Variants in ARFGAP1 observed in about 807,000 individuals in gnomAD.
ARFGAP1 encodes ARF GTPase activating protein 1.
In ARFGAP1, 26 loss-of-function variants were observed where a neutral mutation model predicts 54.0. The ratio of observed to expected loss-of-function variants is 0.48; its 90% CI spans 0.35 to 0.67. ARFGAP1 has a LOEUF of 0.67. Among genes scored for constraint, ARFGAP1 ranks in the 30% least tolerant of loss-of-function variants. The pLI, the probability that ARFGAP1 is intolerant of heterozygous loss-of-function variation, is 0.00. For synonymous variants in ARFGAP1, 248 were observed against 211.9 expected, an observed-to-expected ratio of 1.17 and a Z score of -1.48; for missense variants, 525 against 535.8, an observed-to-expected ratio of 0.98 and a Z score of 0.20.
chr20:63,274,312 C>G (rs1455739462), intron 1 of ARFGAP1: 2 of 26,654 alleles, frequency 7.5e-5, no homozygotes, highest in African/African-American at 2.5e-4. Context: ...GGAGTTGGGA[C>G]CCCCCCCCCC....
Position 63,276,823 on chromosome 20 carries a change from G to A in ARFGAP1, c.342+172G>A. 1.4e-6 allele frequency: 1 copy of A among 713,184 alleles called. No homozygotes were observed. The highest frequency in any genetic ancestry group is 2.2e-6 in the Non-Finnish European group (1 of 452,866). 44.2% of individuals were successfully genotyped at this position (713,184 alleles called of 1,614,324 possible). On this transcript the variant is annotated intron_variant, in intron 4 of 12. Coordinates refer to ENST00000370283, the MANE Select transcript of ARFGAP1 (RefSeq NM_018209.4). This position sits in a 1 kb window ranked among gnomAD's most constrained non-coding sequence, Gnocchi z 5.2. The stretch of plus-strand genomic sequence containing the variant: ...GGAGCAGAGGCTTCCTGCCCAGAGG[G>A]GAGGCAAATGGCTTGCGGGGGGAGA...
At position 63,276,178 on chromosome 20, in the gene ARFGAP1, C is replaced by T. The variant is rs1356351041; in HGVS notation, c.148C>T (p.Arg50Cys). 5 of 1,613,838 alleles carry T rather than the reference C, an allele frequency of 3.1e-6. No homozygotes were observed. The highest frequency in any genetic ancestry group is 1.1e-5 in the South Asian group (1 of 91,086). The change falls in exon 3 of 13, where the codon CGC becomes TGC. Residue 50 changes from arginine to cysteine, a missense_variant. By Grantham distance (180) the Arg-to-Cys change is radical. Around this residue, in one of 3 missense-constraint regions of ARFGAP1, gnomAD observed 20 missense variants for 41.8 expected, o/e 0.48. Coordinates refer to ENST00000370283, the MANE Select transcript of ARFGAP1 (RefSeq NM_018209.4). The surrounding 1 kb of genome is among the most constrained non-coding windows in gnomAD (Gnocchi z 5.2). ...WICLECSGRH[R>C]GLGVHLSFVR... ...CTGCCTGGAGTGCTCGGGGAGACAC[C>T]GCGGGCTTGGGGTTCACCTCAGGTC...
chr20:63,285,737 G>T, intron 11 of ARFGAP1, 24 bp downstream of exon 11: 1 of 1,610,672 alleles, frequency 6.2e-7, no homozygotes, highest in Non-Finnish European at 8.5e-7. Context: ...CAGATACGCG[G>T]GCACAGTCGA....
rs578023255 is a variant in ARFGAP1, at chr20:63,286,406, C to T, written c.875C>T (p.Thr292Ile). 20 of 1,613,534 alleles carry T rather than the reference C, an allele frequency of 1.2e-5. No individual in the cohort carries two copies. In the South Asian group the frequency reaches 1.6e-4, roughly 13 times the overall value. Residue 292 changes from threonine to isoleucine, a missense_variant, in exon 12 of 13, where the codon ACC (threonine) becomes ATC (isoleucine). Transcript: ENST00000370283. The stretch of plus-strand genomic sequence containing the variant: ...AGTAAGGGATGGCGGGACGTCACCA[C>T]CTTTTTTTCGGGGAAAGCAGAGGGC... Reference protein sequence around the residue: ...VGSKGWRDVTTFFSGKAEGPL... With the variant: ...VGSKGWRDVTIFFSGKAEGPL...
intron 11 of ARFGAP1, 59 bp from the exon 12 acceptor site, chr20:63,286,307 C>G: frequency 6.2e-7 from 1 of 1,604,208 alleles, no homozygotes; most frequent in East Asian, 2.2e-5. Flanking sequence ...GTGGGGGCCT[C>G]CTGAAGCTGC....
chr20:63,276,215 G>A lies in ARFGAP1; in HGVS notation c.170+15G>A, dbSNP rs201981792. Reference sequence around the variant, plus strand: ...GTTCACCTCAGGTCAGTGTCCTGCCGCTCTGGCTCTGCGGAGAGCCTGCGG... The same window carrying A: ...GTTCACCTCAGGTCAGTGTCCTGCCACTCTGGCTCTGCGGAGAGCCTGCGG... On this transcript the variant is annotated intron_variant, in intron 3 of 12. Transcript: ENST00000370283. The surrounding 1 kb of genome is among the most constrained non-coding windows in gnomAD (Gnocchi z 5.2). The A allele has an allele frequency of 3.1e-5, 50 of 1,612,452 alleles. No homozygotes were observed. The highest frequency in any genetic ancestry group is 1.2e-4 in the Admixed American group (7 of 60,022).
intron 9 of ARFGAP1, chr20:63,283,705 G>A: frequency 3.7e-6 from 3 of 803,620 alleles, no homozygotes; most frequent in Non-Finnish European, 4.0e-6. Flanking sequence ...GCAGGGAGCG[G>A]CTGCTCCAGG....
chr20:63,279,362 C>T (rs1168864085), intron 7 of ARFGAP1: 7 of 370,198 alleles, frequency 1.9e-5, no homozygotes, highest in Middle Eastern at 9.5e-4. Context: ...CCTACTATCA[C>T]GTCAGGCTAA....
Position 63,276,153 on chromosome 20 carries a change from CT to C in ARFGAP1, c.124del (p.Cys42AlafsTer34). On this transcript the variant is annotated frameshift_variant, in exon 3 of 13. Coordinates refer to ENST00000370283, the MANE Select transcript of ARFGAP1 (RefSeq NM_018209.4). LOFTEE classifies it high-confidence loss of function. The surrounding 1 kb of genome is among the most constrained non-coding windows in gnomAD (Gnocchi z 5.2). ...WVSVTYGIWI[C>X]LECSGRHRGL... ...TCAGTGTGACCTACGGCATCTGGAT[CT>C]GCCTGGAGTGCTCGGGGAGACACCG... 6.2e-7 allele frequency: 1 copy of C among 1,614,082 alleles called. No individual in the cohort carries two copies. Among genetic ancestry groups the C allele is most frequent in the Non-Finnish European group, 8.5e-7 (1 of 1,180,030 alleles).
intron 9 of ARFGAP1, chr20:63,284,538 C>T (rs957264119): frequency 1.2e-5 from 15 of 1,202,836 alleles, no homozygotes; most frequent in African/African-American, 3.1e-5. Flanking sequence ...CTGCAGCCGG[C>T]GTTGGCCTCA....
intron 9 of ARFGAP1, chr20:63,284,208 A>C: frequency 7.9e-7 from 1 of 1,259,740 alleles, no homozygotes. Flanking sequence ...CTGGGCGCAG[A>C]GCTGCTGAGC....
intron 6 of ARFGAP1, 32 bp downstream of exon 6, chr20:63,278,235 T>C (rs1302622299): frequency 6.2e-7 from 1 of 1,602,662 alleles, no homozygotes; most frequent in Admixed American, 1.7e-5. Context: ...ACGCCTGGCG[T>C]GGGCCAGGCC....
intron 7 of ARFGAP1, among the ~76,000 whole-genome samples, chr20:63,280,456 C>G (rs2067350548): frequency 6.6e-6 from 1 of 152,148 alleles, no homozygotes; most frequent in Admixed American, 6.5e-5. Flanking sequence ...CCATGCCTGG[C>G]CAGAAAGGGC....
intron 5 of ARFGAP1, among the ~76,000 whole-genome samples, 186 bp downstream of exon 5, chr20:63,277,491 G>C (rs1453561554): frequency 6.6e-6 from 1 of 152,196 alleles, no homozygotes; most frequent in East Asian, 1.9e-4. Flanking sequence ...GACACCCATA[G>C]AGCTGTCTCA....
Position 63,288,876 on chromosome 20 carries a change from C to T in ARFGAP1, c.*1003C>T, listed in dbSNP as rs1395727677. On this transcript the variant is annotated 3_prime_UTR_variant, in exon 13 of 13. Transcript: ENST00000370283. ...AGTCTTGGCCAGCCATGCATGCGCCCGAAGCTCGTGCAGTTTGTACGTGAG... is the reference window on the plus strand; with the variant it reads ...AGTCTTGGCCAGCCATGCATGCGCCTGAAGCTCGTGCAGTTTGTACGTGAG... 1.1e-5 allele frequency: 3 copies of T among 272,264 alleles called. No individual in the cohort carries two copies. The highest frequency in any genetic ancestry group is 2.2e-5 in the African/African-American group (1 of 45,988). 16.9% of individuals were successfully genotyped at this position (272,264 alleles called of 1,614,324 possible).
chr20:63,284,871 C>T lies in ARFGAP1; in HGVS notation c.723C>T (p.Ser241=), dbSNP rs200186934. The change falls in exon 10 of 13, where the codon TCC becomes TCT. Residue 241 remains serine (S), a synonymous_variant. Coordinates refer to ENST00000370283, the MANE Select transcript of ARFGAP1 (RefSeq NM_018209.4). ...KFGSQASQKA[S]ELGHSLNENV... is the part of the protein sequence containing the mutation. ...CGTGACTTCCCTTCCTACAGGCGTCCGAGCTGGGCCACAGCCTGAACGAGA... is the reference window on the plus strand; with the variant it reads ...CGTGACTTCCCTTCCTACAGGCGTCTGAGCTGGGCCACAGCCTGAACGAGA... 4.0e-5 allele frequency: 65 copies of T among 1,612,862 alleles called. 1 individual carries two copies. The highest frequency in any genetic ancestry group is 6.7e-5 in the Admixed American group (4 of 60,010).
At chr20:63,282,916 C>A in intron 9 of ARFGAP1, 65 bp downstream of exon 9, 1 of 1,571,066 alleles carries the variant, frequency 6.4e-7, no homozygotes, top group Non-Finnish European at 8.8e-7. Flanking sequence ...ACGTCACGTG[C>A]AGCACCTGAA....
intron 6 of ARFGAP1, 91 bp from the exon 7 acceptor site, chr20:63,278,808 C>A: frequency 7.9e-7 from 1 of 1,270,540 alleles, no homozygotes; most frequent in Non-Finnish European, 1.1e-6. Context: ...TCCCCCAGAG[C>A]CCCAGCCTTG....
intron 11 of ARFGAP1, chr20:63,286,143 G>C (rs1281052503): frequency 6.5e-7 from 1 of 1,550,240 alleles, no homozygotes; most frequent in Admixed American, 2.0e-5. Flanking sequence ...CTTGAGGTCT[G>C]TGCACGAGGC....
Sources: gnomAD v4.1 joint callset for allele counts (sites outside exome capture counted in the v4.1 genomes callset) on GRCh38, gnomAD v4.1.1 for gene constraint, gnomAD v4.1.1 regional missense constraint, Gnocchi (gnomAD v3.1) non-coding constraint, MANE v1.5 for transcripts, NCBI Gene and HGNC (gene_info 2026-07-23, HGNC 2026-07-21) for gene names.